RBMXL1: variants seen among roughly 807,000 people sequenced by gnomAD.
RBMXL1 encodes RNA binding motif protein, X-linked-like-1.
Under a neutral mutation model 29.0 loss-of-function variants are expected in RBMXL1, and 18 were observed. The ratio of observed to expected loss-of-function variants is 0.62; its 90% CI spans 0.43 to 0.92. The LOEUF (loss-of-function observed/expected upper bound fraction) is 0.92, where lower values mean the gene tolerates loss of function less well. Ranked by LOEUF, RBMXL1 falls within the 40% of genes least tolerant of loss-of-function variation. RBMXL1 has a pLI of 0.00. For synonymous variants in RBMXL1, 141 were observed against 170.4 expected (o/e 0.83, Z 1.34); for missense variants, 403 against 495.8 (o/e 0.81, Z 1.78).
At chr1:88,991,917 A>C (rs954928243) in intron 1 of RBMXL1, among the ~76,000 whole-genome samples, 1 of 152,144 alleles carries the variant, frequency 6.6e-6, no homozygotes, top group African/African-American at 2.4e-5. Context: ...TTCTGTTTTA[A>C]CTACAAATGT....
intron 1 of RBMXL1, among the ~76,000 whole-genome samples, chr1:88,992,113 G>A (rs1677837858): frequency 6.6e-6 from 1 of 151,898 alleles, no homozygotes; most frequent in Non-Finnish European, 1.5e-5. Context: ...CGAGTAGCTG[G>A]GACTACAGGC....
chr1:88,986,303 T>G (rs1570850644), intron 2 of RBMXL1, among the ~76,000 whole-genome samples: 1 of 150,632 alleles, frequency 6.6e-6, no homozygotes, highest in South Asian at 2.1e-4. Context: ...ATTTAAATTT[T>G]AGACTCTCTT....
At chr1:88,988,973 T>C (rs184326595) in intron 1 of RBMXL1, among the ~76,000 whole-genome samples, 12 of 152,268 alleles carry the variant, frequency 7.9e-5, no homozygotes, top group African/African-American at 2.9e-4. Context: ...TACCTGTAAG[T>C]ATAAAATTGA....
At position 88,982,142 on chromosome 1, in the gene RBMXL1, C is replaced by T; in HGVS notation, c.*512G>A. The T allele has an allele frequency of 5.2e-6, 5 of 958,542 alleles. No individual in the cohort carries two copies. In the South Asian group the frequency reaches 2.4e-4, roughly 46 times the overall value. The allele number at this position is 958,542 out of a possible 1,614,324, so 59.4% of individuals were successfully genotyped here. On this transcript the variant is annotated 3_prime_UTR_variant, in exon 3 of 3. Coordinates refer to ENST00000652648, the MANE Select transcript of RBMXL1 (RefSeq NM_001162536.3). ...GGGTTTACTGGGTGAATAGCACTTT[C>T]CTTACATAGGCATCTGATTTCAGGT...
chr1:88,982,046 G>C lies in RBMXL1; in HGVS notation c.*608C>G. 1 of 981,770 alleles carries C rather than the reference G, an allele frequency of 1.0e-6. No homozygotes were observed. The highest frequency in any genetic ancestry group is 4.7e-5 in the South Asian group (1 of 21,176). The allele number at this position is 981,770 out of a possible 1,614,324, so 60.8% of individuals were successfully genotyped here. ...TGGTCTTATTGTGGGAGGGGAAAGGGGAGGTTCTTGCAGATTCCCAAGGAA... is the reference window on the plus strand; with the variant it reads ...TGGTCTTATTGTGGGAGGGGAAAGGCGAGGTTCTTGCAGATTCCCAAGGAA... On this transcript the variant is annotated 3_prime_UTR_variant, in exon 3 of 3. Transcript: ENST00000652648.
Position 88,983,252 on chromosome 1 carries a change from C to G in RBMXL1, c.575G>C (p.Gly192Ala). 2 of 1,613,572 alleles carry G rather than the reference C, an allele frequency of 1.2e-6. No individual in the cohort carries two copies. Among genetic ancestry groups the G allele is most frequent in the Non-Finnish European group, 1.7e-6 (2 of 1,179,946 alleles). Residue 192 changes from glycine to alanine, a missense_variant, in exon 3 of 3, where the codon GGT (glycine) becomes GCT (alanine). By Grantham distance (60) the Gly-to-Ala change is moderately conservative (BLOSUM62 0). Coordinates refer to ENST00000652648, the MANE Select transcript of RBMXL1 (RefSeq NM_001162536.3). ...PLSRGRDSYG[G>A]PPRREPLPSR... Reference sequence around the variant, plus strand: ...GGGGAGCGGTTCCCTTCGAGGTGGACCTCCATAACTATCTCTTCCACGTGA... The same window carrying G: ...GGGGAGCGGTTCCCTTCGAGGTGGAGCTCCATAACTATCTCTTCCACGTGA...
In RBMXL1 at chr1:88,988,341, C is replaced by T; in HGVS notation, c.-330G>A. On this transcript the variant is annotated 5_prime_UTR_variant, in exon 2 of 3. Coordinates refer to ENST00000652648, the MANE Select transcript of RBMXL1 (RefSeq NM_001162536.3). ...CTAAGAGAGCAGAGGCTCCTCTGGG[C>T]CAAAAACATGCTATTAAATAAAAGA... 1 of 1,608,794 alleles carries T rather than the reference C, an allele frequency of 6.2e-7. No homozygotes were observed. Among genetic ancestry groups the T allele is most frequent in the Non-Finnish European group, 8.5e-7 (1 of 1,176,546 alleles).
rs965457725 is a variant in RBMXL1 at position 88,982,109 on chromosome 1, C to T, written c.*545G>A. ...CAAAATGGCCAGCATTATCCATTTG[C>T]TTTTTTTGGGTTTACTGGGTGAATA... On this transcript the variant is annotated 3_prime_UTR_variant, in exon 3 of 3. Transcript: ENST00000652648. 3.0e-5 allele frequency: 30 copies of T among 986,388 alleles called. No homozygotes were observed. Among genetic ancestry groups the T allele is most frequent in the Middle Eastern group, 1.0e-3 (2 of 1,932 alleles). The allele number at this position is 986,388 out of a possible 1,614,324, so 61.1% of individuals were successfully genotyped here. A position where few individuals can be genotyped will look rare whatever the true frequency, so the allele number is the denominator to read the frequency against.
Position 88,982,874 on chromosome 1 carries a change from T to A in RBMXL1, c.953A>T (p.Asp318Val). 1 of 1,613,966 alleles carries A rather than the reference T, an allele frequency of 6.2e-7. No individual in the cohort carries two copies. ...ACTGTCTCGACTTCCACCATATCCA[T>A]CACGTGAGCTGCTATAATCATCATA... ...SRYDDYSSSR[D>V]GYGGSRDSYS... Residue 318 changes from aspartate (D) to valine (V), a missense_variant, in exon 3 of 3, where the codon GAT becomes GTT. Transcript: ENST00000652648.
chr1:88,983,917 T>TTA lies in RBMXL1; in HGVS notation c.-92_-91insTA. 6 of 1,482,990 alleles carry TTA rather than the reference T, an allele frequency of 4.0e-6. No homozygotes were observed. Among genetic ancestry groups the TTA allele is most frequent in the Non-Finnish European group, 5.6e-6 (6 of 1,064,764 alleles). 91.9% of individuals were successfully genotyped at this position (1,482,990 alleles called of 1,614,324 possible). On this transcript the variant is annotated 5_prime_UTR_variant, in exon 3 of 3. Coordinates refer to ENST00000652648, the MANE Select transcript of RBMXL1 (RefSeq NM_001162536.3). ...GGGCTTCCTAGCAGCTCAGCACCAG[T>TTA]GGCGGCTGTCAGTTAGGAGGACTGA... is the stretch of plus-strand genomic sequence containing the variant.
At position 88,982,804 on chromosome 1, in the gene RBMXL1, A is replaced by G. The variant is rs1677167836; in HGVS notation, c.1023T>C (p.Val341=). Residue 341 remains valine, a synonymous_variant, in exon 3 of 3, where the codon GTT becomes GTC. Coordinates refer to ENST00000652648, the MANE Select transcript of RBMXL1 (RefSeq NM_001162536.3). ...GGGGAAGCCCTCTTTCTTGTCTGCC[A>G]ACCCTGTCACAACTTGAGTAGAGAT... is the stretch of plus-strand genomic sequence containing the variant. ...RSDLYSSCDR[V]GRQERGLPPS... 6.2e-7 allele frequency: 1 copy of G among 1,613,886 alleles called. No individual in the cohort carries two copies. The highest frequency in any genetic ancestry group is 1.3e-5 in the African/African-American group (1 of 74,932).
Position 88,982,992 on chromosome 1 carries a change from C to G in RBMXL1, c.835G>C (p.Gly279Arg). 3.7e-6 allele frequency: 6 copies of G among 1,613,422 alleles called. No homozygotes were observed. The highest frequency in any genetic ancestry group is 5.1e-6 in the Non-Finnish European group (6 of 1,179,982). ...DRDYSDHPSG[G>R]SYRDSYESYG... ...CTCTCATATGAATCTCTGTAGGAAC[C>G]TCCACTTGGATGATCTGAATAGTCA... Residue 279 changes from glycine (G) to arginine (R), a missense_variant, in exon 3 of 3, where the codon GGT becomes CGT. Physicochemically the swap from Gly to Arg is moderately radical, Grantham distance 125. Transcript: ENST00000652648.
chr1:88,988,123 A>G, intron 2 of RBMXL1, 129 bp downstream of exon 2: 1 of 605,542 alleles, frequency 1.7e-6, no homozygotes, highest in Non-Finnish European at 2.9e-6. Flanking sequence ...GACAAGAGAC[A>G]CCTTCAGCAT....
chr1:88,992,191 G>A (rs1057011796), intron 1 of RBMXL1, among the ~76,000 whole-genome samples: 5 of 152,116 alleles, frequency 3.3e-5, no homozygotes, highest in African/African-American at 1.2e-4. Flanking sequence ...TGTTAGCCAG[G>A]ATGGTCTCGA....
At chr1:88,985,605 T>C (rs1677406045) in intron 2 of RBMXL1, among the ~76,000 whole-genome samples, 1 of 152,236 alleles carries the variant, frequency 6.6e-6, no homozygotes, top group Non-Finnish European at 1.5e-5. Context: ...GTGTGTGAAG[T>C]AGGCAGGTTA....
chr1:88,986,112 C>T (rs1392314473), intron 2 of RBMXL1, among the ~76,000 whole-genome samples: 3 of 150,482 alleles, frequency 2.0e-5, no homozygotes, highest in Non-Finnish European at 3.0e-5. Flanking sequence ...ACCCGAGAGG[C>T]GGAGGCTGCA....
At position 88,979,731 on chromosome 1, in the gene RBMXL1, G is replaced by GTA. The variant is rs1231656735; in HGVS notation, c.*2921_*2922dup. 1 of 152,156 alleles carries GTA rather than the reference G, an allele frequency of 6.6e-6. No individual in the cohort carries two copies. The highest frequency in any genetic ancestry group is 1.5e-5 in the Non-Finnish European group (1 of 68,036). 9.4% of individuals were successfully genotyped at this position (152,156 alleles called of 1,614,324 possible). On this transcript the variant is annotated 3_prime_UTR_variant, in exon 3 of 3. Transcript: ENST00000652648. Reference sequence around the variant, plus strand: ...ACAACCCTGGTGGGAATATAAAAGGGTATAGCCCCTTTGGAAAACAAACAG... The same window carrying GTA: ...ACAACCCTGGTGGGAATATAAAAGGGTATATAGCCCCTTTGGAAAACAAACAG...
rs562476507 is a variant in RBMXL1 at position 88,981,104 on chromosome 1, G to A, written c.*1550C>T. ...AACTAAAACTTGTTTCCAAGACGGG[G>A]AGGTAAAGCAGGCTTATAAAACAAT... On this transcript the variant is annotated 3_prime_UTR_variant, in exon 3 of 3. Coordinates refer to ENST00000652648, the MANE Select transcript of RBMXL1 (RefSeq NM_001162536.3). The A allele has an allele frequency of 6.6e-6, 1 of 152,284 alleles. No individual in the cohort carries two copies. Among genetic ancestry groups the A allele is most frequent in the African/African-American group, 2.4e-5 (1 of 41,556 alleles). The allele number at this position is 152,284 out of a possible 1,614,324, so 9.4% of individuals were successfully genotyped here.
In RBMXL1 at chr1:88,990,054, C is replaced by T. The variant is rs560893231; in HGVS notation, c.-340-1703G>A. 1.4e-4 allele frequency among the ~76,000 whole-genome samples: 22 copies of T among 152,286 alleles called. No individual in the cohort carries two copies. In the South Asian group the frequency reaches 4.3e-3, roughly 30 times the overall value. On this transcript the variant is annotated intron_variant, in intron 1 of 2. Coordinates refer to ENST00000652648, the MANE Select transcript of RBMXL1 (RefSeq NM_001162536.3). ...CACTCCTTTAAACTAAATCCCTCTA[C>T]CTTCTTCCTCAGTCCAAGCAGATTG...
Sources: gnomAD v4.1 joint callset for allele counts (sites outside exome capture counted in the v4.1 genomes callset) on GRCh38, gnomAD v4.1.1 for gene constraint, MANE v1.5 for transcripts, NCBI Gene and HGNC (gene_info 2026-07-23, HGNC 2026-07-21) for gene names.